The following NEMP1 variants were observed in gnomAD, a reference collection of about 807,000 sequenced individuals.
The protein encoded by NEMP1 is nuclear envelope integral membrane protein 1.
Under a neutral mutation model 53.7 loss-of-function variants are expected in NEMP1, and 29 were observed. The observed-to-expected ratio is 0.54, with a 90% CI of 0.40 to 0.74. The LOEUF is 0.74. Ranked by LOEUF, NEMP1 falls within the 30% of genes least tolerant of loss-of-function variation. The pLI, the probability that NEMP1 is intolerant of heterozygous loss-of-function variation, is 0.00. For synonymous variants in NEMP1, 193 were observed against 192.9 expected (o/e 1.00, Z 0.00); for missense variants, 477 against 528.6 (o/e 0.90, Z 0.96).
At chr12:57,072,401 C>T (rs2032395774) in intron 2 of NEMP1, among the ~76,000 whole-genome samples, 1 of 152,102 alleles carries the variant, frequency 6.6e-6, no homozygotes, top group African/African-American at 2.4e-5. Context: ...GATGGTGCCA[C>T]TGCACTCCAG....
chr12:57,067,079 ACTTT>A (rs2032117777), intron 4 of NEMP1, among the ~76,000 whole-genome samples: 1 of 152,232 alleles, frequency 6.6e-6, no homozygotes, highest in South Asian at 2.1e-4. Flanking sequence ...TAATCCCAGC[ACTTT>A]GGGAGGCTGA....
At chr12:57,060,639 C>G (rs2031753512) in intron 8 of NEMP1, 133 bp downstream of exon 8, 7 of 878,384 alleles carry the variant, frequency 8.0e-6, no homozygotes, top group Non-Finnish European at 1.2e-5. Flanking sequence ...TATATCCACC[C>G]TTCTCTTGAC....
Position 57,069,294 on chromosome 12 carries a change from T to C in NEMP1, c.485A>G (p.Lys162Arg), listed in dbSNP as rs1253678945. The change falls in exon 4 of 9, where the codon AAA becomes AGA. Residue 162 changes from lysine (K) to arginine (R), a missense_variant. Coordinates refer to ENST00000300128, the MANE Select transcript of NEMP1 (RefSeq NM_001130963.2). ...TCCAAGAAGGAAAACAAGAAAGAGTTTGGGATCAAATCCTGAAATAAATAA... is the reference window on the plus strand; with the variant it reads ...TCCAAGAAGGAAAACAAGAAAGAGTCTGGGATCAAATCCTGAAATAAATAA... ...SVIVIRRFDP[K>R]LFLVFLLGLM... 4 of 1,545,382 alleles carry C rather than the reference T, an allele frequency of 2.6e-6. No individual in the cohort carries two copies. Among genetic ancestry groups the C allele is most frequent in the Middle Eastern group, 1.7e-4 (1 of 5,968 alleles).
chr12:57,087,395 G>A lies in NEMP1; in HGVS notation n.113+556C>T, dbSNP rs574719967. On this transcript the variant is annotated intron_variant and non_coding_transcript_variant, in intron 1 of 2. Transcript: ENST00000553654. The stretch of plus-strand genomic sequence containing the variant: ...GTGGGCTGGGGGAGGGAGGGGGCAC[G>A]TGGAAACCCGGGGCCAGCGGCTGGC... 5.9e-3 allele frequency among the ~76,000 whole-genome samples: 902 copies of A among 151,966 alleles called. 9 individuals are homozygous for A. The highest frequency in any genetic ancestry group is 0.021 in the African/African-American group (852 of 41,462).
intron 6 of NEMP1, 76 bp downstream of exon 6, chr12:57,063,995 C>CA: frequency 2.3e-6 from 2 of 866,768 alleles, no homozygotes; most frequent in Non-Finnish European, 1.8e-6. Context: ...CATAAGCAGG[C>CA]AAAATCTTTT....
chr12:57,067,593 C>A (rs1016839207), intron 4 of NEMP1, among the ~76,000 whole-genome samples: 2 of 152,066 alleles, frequency 1.3e-5, no homozygotes, highest in African/African-American at 4.8e-5. Context: ...TATCTGTGAA[C>A]CACAAAAAAG....
Position 57,064,867 on chromosome 12 carries a change from G to C in NEMP1, c.546-128C>G, listed in dbSNP as rs1205579135. Reference sequence around the variant, plus strand: ...AGATTAGAGCAGTACAAGCATCAGAGACATTTCAAATTTGGTTCCAGACCA... The same window carrying C: ...AGATTAGAGCAGTACAAGCATCAGACACATTTCAAATTTGGTTCCAGACCA... On this transcript the variant is annotated intron_variant, in intron 4 of 8. Transcript: ENST00000300128. 4.9e-6 allele frequency: 3 copies of C among 609,350 alleles called. No individual in the cohort carries two copies. In the African/African-American group the frequency reaches 5.6e-5, roughly 11 times the overall value. The allele number at this position is 609,350 out of a possible 1,614,324, so 37.7% of individuals were successfully genotyped here.
At chr12:57,070,574 G>C in intron 3 of NEMP1, 100 bp downstream of exon 3, 2 of 975,844 alleles carry the variant, frequency 2.0e-6, no homozygotes, top group South Asian at 3.3e-5. Flanking sequence ...AACCCAACTG[G>C]AGCTGTCTTA....
chr12:57,071,946 C>T (rs2032368827), intron 2 of NEMP1, among the ~76,000 whole-genome samples: 1 of 152,212 alleles, frequency 6.6e-6, no homozygotes, highest in South Asian at 2.1e-4. Context: ...TTTGTACAAT[C>T]ACTGTTACAG....
Position 57,057,673 on chromosome 12 carries a change from G to T in NEMP1, c.*2206C>A, listed in dbSNP as rs919960836. 1 of 152,128 alleles carries T rather than the reference G, an allele frequency of 6.6e-6. No homozygotes were observed. The allele number at this position is 152,128 out of a possible 1,614,324, so 9.4% of individuals were successfully genotyped here. Reference sequence around the variant, plus strand: ...CCAGATAGGGAGTAAAAAACAGTTTGATTTTATTCACCTCAAGTCTAAACA... The same window carrying T: ...CCAGATAGGGAGTAAAAAACAGTTTTATTTTATTCACCTCAAGTCTAAACA... On this transcript the variant is annotated 3_prime_UTR_variant, in exon 9 of 9. Transcript: ENST00000300128.
At chr12:57,087,194 G>T (rs3759135) in intron 1 of NEMP1, among the ~76,000 whole-genome samples, 14,759 of 152,258 alleles carry the variant, frequency 0.097, 757 homozygotes, top group East Asian at 0.18. Context: ...GGACCCGGGC[G>T]CCCCGCGCCC....
Position 57,070,781 on chromosome 12 carries a change from T to C in NEMP1, c.365A>G (p.Glu122Gly), listed in dbSNP as rs2032309176. ...IWNFFSSFLK[E>G]KLNDTYVNVG... is the part of the protein sequence containing the mutation. ...GTTAACATAGGTGTCATTCAATTTC[T>C]CTTTTAAAAAGGAGGAAAAAAAGTT... Residue 122 changes from glutamate (E) to glycine (G), a missense_variant, in exon 3 of 9, where the codon GAG (glutamate) becomes GGG (glycine). Glu to Gly is a moderately conservative substitution (Grantham distance 98). Coordinates refer to ENST00000300128, the MANE Select transcript of NEMP1 (RefSeq NM_001130963.2). 1 of 1,611,992 alleles carries C rather than the reference T, an allele frequency of 6.2e-7. No individual in the cohort carries two copies. Among genetic ancestry groups the C allele is most frequent in the Admixed American group, 1.7e-5 (1 of 59,916 alleles).
chr12:57,065,629 C>T (rs1327616798), intron 4 of NEMP1, among the ~76,000 whole-genome samples: 1 of 150,102 alleles, frequency 6.7e-6, no homozygotes, highest in Non-Finnish European at 1.5e-5. Context: ...CCAGGTGATT[C>T]TCCCACCTCA....
intron 1 of NEMP1, among the ~76,000 whole-genome samples, chr12:57,086,636 T>C: frequency 6.6e-6 from 1 of 152,214 alleles, no homozygotes; most frequent in East Asian, 1.9e-4. Flanking sequence ...AAATTCCTTG[T>C]TCTCAACGGA....
At chr12:57,076,091 A>T (rs990464311) in intron 1 of NEMP1, among the ~76,000 whole-genome samples, 8 of 152,262 alleles carry the variant, frequency 5.3e-5, no homozygotes, top group South Asian at 2.1e-4. Flanking sequence ...CCATCTCAAA[A>T]AAATAAATAA....
At chr12:57,074,844 TG>T (rs1231923252) in intron 1 of NEMP1, among the ~76,000 whole-genome samples, 1 of 151,978 alleles carries the variant, frequency 6.6e-6, no homozygotes, top group Non-Finnish European at 1.5e-5. Flanking sequence ...TCCCAGCACT[TG>T]GGGAGGCCAA....
In NEMP1 at chr12:57,059,644, T is replaced by C; in HGVS notation, c.*235A>G. 2.6e-6 allele frequency: 1 copy of C among 385,008 alleles called. No homozygotes were observed. The highest frequency in any genetic ancestry group is 8.1e-5 in the South Asian group (1 of 12,298). The allele number at this position is 385,008 out of a possible 1,614,324, so 23.8% of individuals were successfully genotyped here. On this transcript the variant is annotated 3_prime_UTR_variant, in exon 9 of 9. Transcript: ENST00000300128. ...GAAACATAAAAGTGGGCTGTTAGCT[T>C]AACCAATGGGAAGTGAACTACCCAG...
At chr12:57,066,472 TG>T (rs2032082626) in intron 4 of NEMP1, among the ~76,000 whole-genome samples, 1 of 152,210 alleles carries the variant, frequency 6.6e-6, no homozygotes, top group South Asian at 2.1e-4. Context: ...CGGTCTGTCT[TG>T]GCTTTTGCTG....
At chr12:57,084,659 T>C (rs1243123107) in intron 1 of NEMP1, among the ~76,000 whole-genome samples, 2 of 152,194 alleles carry the variant, frequency 1.3e-5, no homozygotes, top group Admixed American at 6.5e-5. Flanking sequence ...AGAGTCTTTA[T>C]GGTTCCAGTA....
Sources: allele counts gnomAD v4.1 joint callset (sites outside exome capture counted in the v4.1 genomes callset), GRCh38; gene constraint gnomAD v4.1.1; transcripts MANE v1.5; gene names NCBI Gene and HGNC (gene_info 2026-07-23, HGNC 2026-07-21).